TOX3: variants seen among roughly 807,000 people sequenced by gnomAD.
The protein encoded by TOX3 is CAG trinucleotide repeat-containing gene F9 protein.
TOX3 carries 22 observed loss-of-function variants against 64.3 expected under a neutral mutation model. That is an observed-to-expected ratio of 0.34 (90% CI 0.24 to 0.49). The LOEUF (loss-of-function observed/expected upper bound fraction) is 0.49. TOX3 is among the 20% of genes least tolerant of loss of function. TOX3 has a pLI of 0.99. For missense variants in TOX3, 661 were observed against 714.4 expected, an observed-to-expected ratio of 0.93 and a Z score of 0.85; for synonymous variants, 291 against 273.6, an observed-to-expected ratio of 1.06 and a Z score of -0.63.
intron 1 of TOX3, among the ~76,000 whole-genome samples, chr16:52,537,016 G>T (rs1030373775): frequency 1.3e-5 from 2 of 151,714 alleles, no homozygotes; most frequent in Admixed American, 6.6e-5. Flanking sequence ...TACAGTGTTC[G>T]TTCCAACAGC....
At position 52,468,587 on chromosome 16, in the gene TOX3, A is replaced by T; in HGVS notation, c.88-13T>A. The T allele has an allele frequency of 6.2e-7, 1 of 1,601,588 alleles. No homozygotes were observed. The highest frequency in any genetic ancestry group is 8.5e-7 in the Non-Finnish European group (1 of 1,170,028). On this transcript the variant is annotated splice_polypyrimidine_tract_variant and intron_variant, in intron 1 of 6. Coordinates refer to ENST00000219746, the MANE Select transcript of TOX3 (RefSeq NM_001080430.4). ...TATTATTTCCAAACTGAAAGAAAAC[A>T]GATTGTTTTACGTTAATATGCGGCA...
chr16:52,463,421 C>T (rs953631500), intron 3 of TOX3, among the ~76,000 whole-genome samples: 1 of 152,186 alleles, frequency 6.6e-6, no homozygotes, highest in African/African-American at 2.4e-5. Context: ...AGGTGTATTT[C>T]ACATAATCAC....
At chr16:52,473,377 T>C (rs951440212) in intron 1 of TOX3, among the ~76,000 whole-genome samples, 1 of 151,616 alleles carries the variant, frequency 6.6e-6, no homozygotes. Context: ...AAAAAAAAGA[T>C]AATCCTTCGA....
At chr16:52,486,118 G>T (rs1961524451) in intron 1 of TOX3, among the ~76,000 whole-genome samples, 2 of 152,292 alleles carry the variant, frequency 1.3e-5, no homozygotes, top group East Asian at 1.9e-4. Context: ...ACACATGGGT[G>T]CTGGTGTTCA....
chr16:52,532,691 G>A (rs953689304), intron 1 of TOX3, among the ~76,000 whole-genome samples: 1 of 152,236 alleles, frequency 6.6e-6, no homozygotes, highest in African/African-American at 2.4e-5. Flanking sequence ...TGCCTAGAAA[G>A]TGAAAAACAT....
At chr16:52,500,182 C>T (rs929122456) in intron 1 of TOX3, among the ~76,000 whole-genome samples, 1 of 152,196 alleles carries the variant, frequency 6.6e-6, no homozygotes, top group Non-Finnish European at 1.5e-5. Context: ...AAGGAAGTCA[C>T]ATCGCATCAA....
At position 52,546,809 on chromosome 16, in the gene TOX3, C is replaced by A; in HGVS notation, c.-86G>T. The A allele has an allele frequency of 1.5e-6, 2 of 1,319,914 alleles. No homozygotes were observed. The highest frequency in any genetic ancestry group is 2.0e-5 in the South Asian group (1 of 49,334). 81.8% of individuals were successfully genotyped at this position (1,319,914 alleles called of 1,614,324 possible). On this transcript the variant is annotated 5_prime_UTR_variant, in exon 1 of 7. Coordinates refer to ENST00000219746, the MANE Select transcript of TOX3 (RefSeq NM_001080430.4). ...TCCTCGCCGCCGCTAGATCCACCGTCGAGGGCGCCCGGGGGTGGCGCGTGG... is the reference window on the plus strand; with the variant it reads ...TCCTCGCCGCCGCTAGATCCACCGTAGAGGGCGCCCGGGGGTGGCGCGTGG...
intron 1 of TOX3, among the ~76,000 whole-genome samples, chr16:52,492,673 T>C (rs1366029318): frequency 1.4e-5 from 2 of 147,548 alleles, no homozygotes; most frequent in African/African-American, 5.0e-5. Flanking sequence ...CTAAGACAGA[T>C]GGCCAATCAA....
At chr16:52,453,780 G>C (rs1960432861) in intron 3 of TOX3, among the ~76,000 whole-genome samples, 1 of 145,202 alleles carries the variant, frequency 6.9e-6, no homozygotes, top group Non-Finnish European at 1.5e-5. Flanking sequence ...CCAAACACAA[G>C]CATGTCTCCT....
intron 1 of TOX3, among the ~76,000 whole-genome samples, chr16:52,536,082 A>G (rs1962938795): frequency 6.6e-6 from 1 of 152,148 alleles, no homozygotes; most frequent in Admixed American, 6.5e-5. Context: ...TTCTTACCAC[A>G]TTTTATGTGC....
intron 3 of TOX3, among the ~76,000 whole-genome samples, chr16:52,451,907 AGGGCTTGTCCTGCATATTGAGG>A (rs1027783025): frequency 2.0e-5 from 3 of 152,154 alleles, no homozygotes; most frequent in Admixed American, 6.5e-5. Flanking sequence ...TTTTATTGTA[AGGGCTTGTCCTGCATATTGAGG>A]GGGCTTGTCC....
chr16:52,492,254 A>G (rs1178598445), intron 1 of TOX3, among the ~76,000 whole-genome samples: 1 of 146,940 alleles, frequency 6.8e-6, no homozygotes, highest in Non-Finnish European at 1.5e-5. Context: ...TATATATTAT[A>G]CAATATAAAT....
intron 1 of TOX3, among the ~76,000 whole-genome samples, chr16:52,541,995 A>G (rs4784223): frequency 0.32 from 48,406 of 152,172 alleles, 7,993 homozygotes; most frequent in East Asian, 0.47. Context: ...GTGAAGCTAA[A>G]TATTTACAAA....
chr16:52,521,507 A>G (rs564052945), intron 1 of TOX3, among the ~76,000 whole-genome samples: 4 of 152,212 alleles, frequency 2.6e-5, no homozygotes, highest in African/African-American at 9.6e-5. Context: ...TTCATTTTAC[A>G]TAAAGCCCAT....
In TOX3 at chr16:52,497,264, T is replaced by A. The variant is rs540805553; in HGVS notation, c.88-28690A>T. ...TATTGTTTGTACAACTGTAACTAAG[T>A]ACATTACCAACCAGTTGTTCAATCT... On this transcript the variant is annotated intron_variant, in intron 1 of 6. Coordinates refer to ENST00000219746, the MANE Select transcript of TOX3 (RefSeq NM_001080430.4). Among the ~76,000 whole-genome samples the A allele has an allele frequency of 3.3e-5, 5 of 152,314 alleles. No homozygotes were observed. In the East Asian group the frequency reaches 9.7e-4, roughly 29 times the overall value.
intron 1 of TOX3, among the ~76,000 whole-genome samples, chr16:52,546,182 C>T (rs956725614): frequency 1.3e-5 from 2 of 151,596 alleles, no homozygotes; most frequent in South Asian, 2.1e-4. Context: ...GCCCCGAGGC[C>T]GGCTCTGGAG....
intron 6 of TOX3, among the ~76,000 whole-genome samples, chr16:52,440,428 C>T (rs1959931080): frequency 6.6e-6 from 1 of 152,330 alleles, no homozygotes; most frequent in Admixed American, 6.5e-5. Flanking sequence ...ATCTGAAGAA[C>T]CAGTCAGCTA....
chr16:52,521,748 C>A (rs1054046832), intron 1 of TOX3, among the ~76,000 whole-genome samples: 7 of 152,192 alleles, frequency 4.6e-5, no homozygotes, highest in African/African-American at 1.7e-4. Flanking sequence ...ATCAGCATCA[C>A]CTAGCAACTT....
chr16:52,536,995 T>C (rs1251341149), intron 1 of TOX3, among the ~76,000 whole-genome samples: 1 of 151,850 alleles, frequency 6.6e-6, no homozygotes, highest in Non-Finnish European at 1.5e-5. Flanking sequence ...AAGGGCTAAC[T>C]CTCCTTTATC....
Sources: allele counts gnomAD v4.1 joint callset (sites outside exome capture counted in the v4.1 genomes callset), GRCh38; gene constraint gnomAD v4.1.1; transcripts MANE v1.5; gene names NCBI Gene and HGNC (gene_info 2026-07-23, HGNC 2026-07-21).